The following CPVL variants were observed in gnomAD, a reference collection of about 807,000 sequenced individuals.
The protein encoded by CPVL is probable serine carboxypeptidase CPVL.
Under a neutral mutation model 63.7 loss-of-function variants are expected in CPVL, and 51 were observed. The observed-to-expected ratio is 0.80, with a 90% CI of 0.64 to 1.01. The LOEUF (loss-of-function observed/expected upper bound fraction) is 1.01. Ranked by LOEUF, CPVL falls within the 50% of genes least tolerant of loss-of-function variation. CPVL has a pLI of 0.00. For synonymous variants in CPVL, 195 were observed against 206.0 expected (o/e 0.95, Z 0.46); for missense variants, 530 against 573.1 (o/e 0.92, Z 0.77).
intron 3 of CPVL, among the ~76,000 whole-genome samples, chr7:29,106,076 G>A (rs1787689022): frequency 6.6e-6 from 1 of 152,158 alleles, no homozygotes; most frequent in African/African-American, 2.4e-5. Context: ...AGTTCACTGA[G>A]TACCCTGGTC....
At chr7:29,114,780 A>G (rs982874133) in intron 2 of CPVL, among the ~76,000 whole-genome samples, 1 of 152,120 alleles carries the variant, frequency 6.6e-6, no homozygotes, top group Non-Finnish European at 1.5e-5. Context: ...TTTCTCCTCT[A>G]TGGAAGATGT....
At chr7:29,039,954 C>G (rs1367670516) in intron 11 of CPVL, among the ~76,000 whole-genome samples, 1 of 152,170 alleles carries the variant, frequency 6.6e-6, no homozygotes, top group East Asian at 1.9e-4. Flanking sequence ...TAATCTCTAA[C>G]ATTCTGTGGT....
At chr7:29,020,930 C>T (rs1258466265) in intron 12 of CPVL, among the ~76,000 whole-genome samples, 1 of 152,190 alleles carries the variant, frequency 6.6e-6, no homozygotes, top group East Asian at 1.9e-4. Context: ...AATCCCAGCA[C>T]TTTGGGAGGC....
intron 12 of CPVL, among the ~76,000 whole-genome samples, chr7:29,025,517 C>G (rs1787405783): frequency 6.6e-6 from 1 of 152,126 alleles, no homozygotes; most frequent in Non-Finnish European, 1.5e-5. Flanking sequence ...TCCCATCAGA[C>G]CCCATCTCCA....
intron 7 of CPVL, among the ~76,000 whole-genome samples, chr7:29,072,921 T>A (rs537956749): frequency 6.6e-6 from 1 of 152,368 alleles, no homozygotes. Context: ...AACTCATCTC[T>A]ATTTCCAAAC....
chr7:29,189,759 T>G (rs1344898372), intron 1 of CPVL, among the ~76,000 whole-genome samples: 1 of 152,062 alleles, frequency 6.6e-6, no homozygotes, highest in East Asian at 1.9e-4. Flanking sequence ...ATGCCTTAAG[T>G]GCCTGCATGT....
intron 2 of CPVL, among the ~76,000 whole-genome samples, chr7:29,116,960 C>T (rs1036778789): frequency 1.3e-5 from 2 of 152,070 alleles, no homozygotes; most frequent in Non-Finnish European, 2.9e-5. Context: ...ACTCGATAAA[C>T]AAAAGGGATT....
intron 12 of CPVL, among the ~76,000 whole-genome samples, chr7:29,025,335 A>G (rs1787389193): frequency 6.6e-6 from 1 of 152,218 alleles, no homozygotes; most frequent in Admixed American, 6.5e-5. Flanking sequence ...GGCAGAAGGC[A>G]AAGTGGGTGC....
In CPVL at chr7:29,120,930, AAAT is replaced by A; in HGVS notation, c.129_131del (p.Leu43del). 1 of 1,613,882 alleles carries A rather than the reference AAAT, an allele frequency of 6.2e-7. No individual in the cohort carries two copies. Among genetic ancestry groups the A allele is most frequent in the Non-Finnish European group, 8.5e-7 (1 of 1,179,972 alleles). On this transcript the variant is annotated inframe_deletion, in exon 2 of 13. Coordinates refer to ENST00000265394, the MANE Select transcript of CPVL (RefSeq NM_031311.5). Reference sequence around the variant, plus strand: ...TCCCAGCTTCAATGTAAGGGGTGAGAAATAATGGCTGTCCTGAGTCTCCCTTAG... The same window carrying A: ...TCCCAGCTTCAATGTAAGGGGTGAGAAATGGCTGTCCTGAGTCTCCCTTAG...
At chr7:29,170,102 A>T (rs991025164) in intron 5 of CPVL, among the ~76,000 whole-genome samples, 7 of 151,972 alleles carry the variant, frequency 4.6e-5, no homozygotes, top group African/African-American at 1.7e-4. Flanking sequence ...CCAGACTTCT[A>T]GCAGAAGCCC....
rs1364408850 is a variant in CPVL at position 29,066,021 on chromosome 7, A to G, written c.963+2T>C. ...TTATTATGGTTTTTAAAATGTCATTACCGTGCACCGCAAAAAGTTATAGTA... is the reference window on the plus strand; with the variant it reads ...TTATTATGGTTTTTAAAATGTCATTGCCGTGCACCGCAAAAAGTTATAGTA... On this transcript the variant is annotated splice_donor_variant, in intron 10 of 12. Coordinates refer to ENST00000265394, the MANE Select transcript of CPVL (RefSeq NM_031311.5). LOFTEE classifies it high-confidence loss of function. 6.5e-7 allele frequency: 1 copy of G among 1,548,590 alleles called. No homozygotes were observed. Among genetic ancestry groups the G allele is most frequent in the South Asian group, 1.2e-5 (1 of 85,530 alleles).
intron 1 of CPVL, among the ~76,000 whole-genome samples, chr7:29,128,823 T>A (rs369640645): frequency 1.3e-5 from 2 of 151,964 alleles, no homozygotes; most frequent in South Asian, 4.2e-4. Flanking sequence ...TCTGGGTAGA[T>A]GATCTGAGAC....
In CPVL at chr7:29,146,386, C is replaced by T. The variant is rs540081749; in HGVS notation, c.-11+43G>A. 283 of 748,362 alleles carry T rather than the reference C, an allele frequency of 3.8e-4. 3 individuals are homozygous for T. The South Asian group carries it at 5.4e-3, about 14-fold the overall frequency. 46.4% of individuals were successfully genotyped at this position (748,362 alleles called of 1,614,324 possible). On this transcript the variant is annotated intron_variant, in intron 1 of 12. Transcript: ENST00000265394. ...CCGAGGGACCGAGGCGAGGACCTGT[C>T]CCGCTGAGCTGGCACGACCCACGCA...
chr7:29,002,203 AAAC>A (rs534816944), intron 12 of CPVL, among the ~76,000 whole-genome samples: 25 of 152,334 alleles, frequency 1.6e-4, no homozygotes, highest in Admixed American at 5.9e-4. Flanking sequence ...ACCCCAAAAG[AAAC>A]AACAACAACA....
In CPVL at chr7:29,015,723, C is replaced by T. The variant is rs149231577; in HGVS notation, c.1320+14854G>A. ...TACAGCGGGGCATGTAGCCTAGATCCGGCTACAGTTCATCCTTCCCCACTG... is the reference window on the plus strand; with the variant it reads ...TACAGCGGGGCATGTAGCCTAGATCTGGCTACAGTTCATCCTTCCCCACTG... On this transcript the variant is annotated intron_variant, in intron 12 of 12. Coordinates refer to ENST00000265394, the MANE Select transcript of CPVL (RefSeq NM_031311.5). Among the ~76,000 whole-genome samples, 425 of 152,240 alleles carry T rather than the reference C, an allele frequency of 2.8e-3. 1 individual carries two copies. The highest frequency in any genetic ancestry group is 9.6e-3 in the African/African-American group (399 of 41,536).
At chr7:29,047,012 T>C (rs1789689493) in intron 11 of CPVL, among the ~76,000 whole-genome samples, 1 of 152,328 alleles carries the variant, frequency 6.6e-6, no homozygotes, top group East Asian at 1.9e-4. Flanking sequence ...TAATTGAATA[T>C]ATGTTTATTG....
At chr7:29,010,537 C>T (rs944865893) in intron 12 of CPVL, 1 of 152,228 alleles carries the variant, frequency 6.6e-6, no homozygotes, top group South Asian at 2.1e-4. Flanking sequence ...CCCCATCCCT[C>T]TCTGCTACTA....
At chr7:29,160,145 A>C (rs574451762) in intron 5 of CPVL, among the ~76,000 whole-genome samples, 6 of 152,174 alleles carry the variant, frequency 3.9e-5, no homozygotes, top group Non-Finnish European at 8.8e-5. Context: ...TGGCCCTCAT[A>C]ATATTTCTAC....
chr7:29,086,632 C>T (rs1404225057), intron 6 of CPVL, 82 bp from the exon 7 acceptor site: 1 of 1,038,526 alleles, frequency 9.6e-7, no homozygotes, highest in Non-Finnish European at 1.5e-6. Flanking sequence ...TCAAATCTAA[C>T]TCTTTGGCAA....
Sources: gnomAD v4.1 joint callset for allele counts (sites outside exome capture counted in the v4.1 genomes callset) on GRCh38, gnomAD v4.1.1 for gene constraint, MANE v1.5 for transcripts, NCBI Gene and HGNC (gene_info 2026-07-23, HGNC 2026-07-21) for gene names.